Variants in ITFG1 observed in about 807,000 individuals in gnomAD.
ITFG1 encodes T-cell immunomodulatory protein.
ITFG1 carries 34 observed loss-of-function variants against 81.8 expected under a neutral mutation model. The observed-to-expected ratio is 0.42, with a 90% CI of 0.32 to 0.55. ITFG1 has a LOEUF of 0.55. Ranked by LOEUF, ITFG1 falls within the 20% of genes least tolerant of loss-of-function variation. The pLI is 0.17. For missense variants in ITFG1, 672 were observed against 755.4 expected (o/e 0.89, Z 1.29); for synonymous variants, 285 against 270.6 (o/e 1.05, Z -0.52).
intron 14 of ITFG1, among the ~76,000 whole-genome samples, chr16:47,175,926 A>G (rs571942189): frequency 6.6e-6 from 1 of 152,276 alleles, no homozygotes; most frequent in East Asian, 1.9e-4. Flanking sequence ...AATGTTTACA[A>G]GTCCAGGGTG....
chr16:47,185,220 C>T (rs1211971555), intron 14 of ITFG1, among the ~76,000 whole-genome samples: 6 of 152,136 alleles, frequency 3.9e-5, no homozygotes, highest in East Asian at 3.8e-4. Context: ...GACAGATCAG[C>T]GAGACAGAAA....
intron 14 of ITFG1, among the ~76,000 whole-genome samples, chr16:47,184,115 A>G (rs1965174478): frequency 6.6e-6 from 1 of 152,224 alleles, no homozygotes; most frequent in Non-Finnish European, 1.5e-5. Flanking sequence ...CCTCCAAGAA[A>G]TATGGGAATA....
chr16:47,322,999 T>C (rs541120402), intron 8 of ITFG1, among the ~76,000 whole-genome samples: 1 of 152,314 alleles, frequency 6.6e-6, no homozygotes, highest in East Asian at 1.9e-4. Flanking sequence ...GTTATTTAAA[T>C]TCCCAAATAA....
At chr16:47,396,147 G>A (rs1340050168) in intron 6 of ITFG1, 1 of 984,900 alleles carries the variant, frequency 1.0e-6, no homozygotes, top group Non-Finnish European at 1.2e-6. Context: ...GGGTGGTCAG[G>A]AGAAGGAGAG....
intron 10 of ITFG1, among the ~76,000 whole-genome samples, chr16:47,267,865 A>G (rs749910595): frequency 1.3e-5 from 2 of 152,146 alleles, no homozygotes; most frequent in Non-Finnish European, 2.9e-5. Context: ...GAAGCCATCA[A>G]GATTTGTTGT....
intron 6 of ITFG1, among the ~76,000 whole-genome samples, chr16:47,381,893 A>C (rs1479728619): frequency 6.6e-6 from 1 of 152,184 alleles, no homozygotes; most frequent in African/African-American, 2.4e-5. Context: ...AACTTAAATA[A>C]GTTAAGAAGG....
At chr16:47,191,316 C>T (rs376437964) in intron 14 of ITFG1, among the ~76,000 whole-genome samples, 24 of 152,102 alleles carry the variant, frequency 1.6e-4, no homozygotes, top group Non-Finnish European at 3.2e-4. Flanking sequence ...ACCCACTGCC[C>T]GCAGGCCACA....
intron 8 of ITFG1, among the ~76,000 whole-genome samples, chr16:47,335,542 T>C (rs1479571459): frequency 6.6e-6 from 1 of 152,128 alleles, no homozygotes; most frequent in African/African-American, 2.4e-5. Flanking sequence ...TGTCACACAA[T>C]GGGTTTCTAA....
At chr16:47,230,181 G>C (rs752497430) in intron 13 of ITFG1, among the ~76,000 whole-genome samples, 1 of 152,128 alleles carries the variant, frequency 6.6e-6, no homozygotes, top group Non-Finnish European at 1.5e-5. Flanking sequence ...ACCTAGGATG[G>C]AACCTGAAAA....
At chr16:47,361,374 T>C (rs1968107008) in intron 8 of ITFG1, among the ~76,000 whole-genome samples, 1 of 152,192 alleles carries the variant, frequency 6.6e-6, no homozygotes, top group Non-Finnish European at 1.5e-5. Flanking sequence ...ACAAAATTGA[T>C]ACCCATTTTC....
chr16:47,424,454 C>T (rs1045653257), intron 6 of ITFG1, among the ~76,000 whole-genome samples: 10 of 152,172 alleles, frequency 6.6e-5, no homozygotes, highest in East Asian at 1.9e-4. Flanking sequence ...ACTCATTCTT[C>T]GTCCAATTTT....
At chr16:47,337,566 T>A (rs1967723539) in intron 8 of ITFG1, among the ~76,000 whole-genome samples, 1 of 152,112 alleles carries the variant, frequency 6.6e-6, no homozygotes, top group African/African-American at 2.4e-5. Flanking sequence ...TGAGACTCTG[T>A]CTCATAAAAT....
intron 8 of ITFG1, among the ~76,000 whole-genome samples, chr16:47,315,060 T>C (rs1967331421): frequency 6.6e-6 from 1 of 152,176 alleles, no homozygotes; most frequent in South Asian, 2.1e-4. Context: ...AATGAATTTC[T>C]TTCATTTAAT....
At position 47,365,832 on chromosome 16, in the gene ITFG1, G is replaced by A; in HGVS notation, c.758C>T (p.Pro253Leu). The change falls in exon 8 of 18, where the codon CCT becomes CTT. Residue 253 changes from proline to leucine, a missense_variant. Pro to Leu is a moderately conservative substitution (Grantham distance 98). Around this residue, in one of 3 missense-constraint regions of ITFG1, gnomAD observed 560 missense variants for 625.7 expected, o/e 0.90. Coordinates refer to ENST00000320640, the MANE Select transcript of ITFG1 (RefSeq NM_030790.5). ...CTGTCCAACCACCATCATATTTTGA[G>A]GTTTTTCCAATATAGTACTGACAGA... ...NFSVSTILEK[P>L]QNMMVVGQSA... 1 of 1,606,960 alleles carries A rather than the reference G, an allele frequency of 6.2e-7. No homozygotes were observed.
At chr16:47,356,550 C>T (rs980199985) in intron 8 of ITFG1, among the ~76,000 whole-genome samples, 33 of 152,222 alleles carry the variant, frequency 2.2e-4, no homozygotes, top group Admixed American at 3.9e-4. Flanking sequence ...GTGAGAGAGT[C>T]GGAGGGAATG....
At chr16:47,343,330 A>C (rs1371750565) in intron 8 of ITFG1, among the ~76,000 whole-genome samples, 1 of 152,108 alleles carries the variant, frequency 6.6e-6, no homozygotes, top group African/African-American at 2.4e-5. Flanking sequence ...AAACTACCTT[A>C]AACTAGATTC....
At chr16:47,325,080 G>A (rs1009767658) in intron 8 of ITFG1, among the ~76,000 whole-genome samples, 4 of 152,088 alleles carry the variant, frequency 2.6e-5, no homozygotes, top group African/African-American at 9.7e-5. Flanking sequence ...CACATAGTTG[G>A]AAGTAAAGCA....
intron 6 of ITFG1, among the ~76,000 whole-genome samples, chr16:47,392,300 G>A (rs1968541858): frequency 6.6e-6 from 1 of 152,172 alleles, no homozygotes; most frequent in Admixed American, 6.5e-5. Context: ...AAAACAAATA[G>A]ATGTGAAGGA....
At chr16:47,225,984 T>C (rs1004366817) in intron 13 of ITFG1, among the ~76,000 whole-genome samples, 3 of 152,228 alleles carry the variant, frequency 2.0e-5, no homozygotes, top group East Asian at 3.8e-4. Flanking sequence ...TATAAAAGAC[T>C]ATTGTTTGAA....
Sources: gnomAD v4.1 joint callset for allele counts (sites outside exome capture counted in the v4.1 genomes callset) on GRCh38, gnomAD v4.1.1 for gene constraint, gnomAD v4.1.1 regional missense constraint, MANE v1.5 for transcripts, NCBI Gene and HGNC (gene_info 2026-07-23, HGNC 2026-07-21) for gene names.